The following CNTNAP2 variants were observed in gnomAD, a reference collection of about 807,000 sequenced individuals.
The protein encoded by CNTNAP2 is contactin associated protein 2.
Under a neutral mutation model 155.2 loss-of-function variants are expected in CNTNAP2, and 98 were observed. That is an observed-to-expected ratio of 0.63 (90% CI 0.54 to 0.75). The LOEUF is 0.75. Among genes scored for constraint, CNTNAP2 ranks in the 30% least tolerant of loss-of-function variants. The pLI, the probability that CNTNAP2 is intolerant of heterozygous loss-of-function variation, is 0.00. For missense variants in CNTNAP2, 1,727 were observed against 1,688.1 expected (o/e 1.02, Z -0.40); for synonymous variants, 651 against 631.2 (o/e 1.03, Z -0.47).
intron 9 of CNTNAP2, among the ~76,000 whole-genome samples, chr7:147,319,789 A>G (rs573850349): frequency 6.6e-6 from 1 of 152,342 alleles, no homozygotes; most frequent in Admixed American, 6.5e-5. Flanking sequence ...CTTCAGCTAT[A>G]TAATTATAGA....
At chr7:148,231,649 C>T (rs1182777143) in intron 20 of CNTNAP2, among the ~76,000 whole-genome samples, 1 of 152,116 alleles carries the variant, frequency 6.6e-6, no homozygotes, top group Non-Finnish European at 1.5e-5. Flanking sequence ...GCCATAGTCA[C>T]AGGAGTACTG....
chr7:146,851,648 T>TTGTG lies in CNTNAP2; in HGVS notation c.402+11745_402+11746insGTGT, dbSNP rs1481597976. Reference sequence around the variant, plus strand: ...CCTGTGTTGCTTTATATCATCTTTCTTCTGTGTGTGTGTGTGTGTGTGTGT... The same window carrying TTGTG: ...CCTGTGTTGCTTTATATCATCTTTCTTGTGTCTGTGTGTGTGTGTGTGTGTGTGT... On this transcript the variant is annotated intron_variant, in intron 3 of 23. Transcript: ENST00000361727. 2.3e-4 allele frequency among the ~76,000 whole-genome samples: 31 copies of TTGTG among 134,004 alleles called. No individual in the cohort carries two copies. In the East Asian group the frequency reaches 6.7e-3, roughly 29 times the overall value. The allele number at this position is 134,004 out of a possible 152,430, so 87.9% of individuals were successfully genotyped here. A position where few individuals can be genotyped will look rare whatever the true frequency, so the allele number is the denominator to read the frequency against.
rs201523308 is a variant in CNTNAP2, at chr7:148,235,685, A to T, written c.3381+5906A>T. ...TGCTCCTTACAGCTGTGCAGCAATT[A>T]TTTTTTTTTTTTTTTTTTTGAGACG... On this transcript the variant is annotated intron_variant, in intron 20 of 23. Coordinates refer to ENST00000361727, the MANE Select transcript of CNTNAP2 (RefSeq NM_014141.6). Among the ~76,000 whole-genome samples, 538 of 121,896 alleles carry T rather than the reference A, an allele frequency of 4.4e-3. 3 individuals are homozygous for T. Among genetic ancestry groups the T allele is most frequent in the Middle Eastern group, 4.8e-3 (1 of 210 alleles). The allele number at this position is 121,896 out of a possible 152,430, so 80.0% of individuals were successfully genotyped here. A position where few individuals can be genotyped will look rare whatever the true frequency, so the allele number is the denominator to read the frequency against.
intron 3 of CNTNAP2, among the ~76,000 whole-genome samples, chr7:147,006,588 A>G (rs912965014): frequency 1.3e-5 from 2 of 152,226 alleles, no homozygotes; most frequent in African/African-American, 2.4e-5. Context: ...TATTCAGAAA[A>G]AAAGAAGATT....
chr7:147,180,486 A>C (rs1019181883), intron 8 of CNTNAP2, among the ~76,000 whole-genome samples: 6 of 152,168 alleles, frequency 3.9e-5, no homozygotes, highest in Non-Finnish European at 4.4e-5. Context: ...TAGAATTACC[A>C]ACTTAAAATA....
intron 8 of CNTNAP2, among the ~76,000 whole-genome samples, chr7:147,279,483 A>G (rs1002885826): frequency 4.0e-5 from 6 of 151,836 alleles, no homozygotes; most frequent in African/African-American, 1.4e-4. Context: ...TAATAATCAT[A>G]TAAACTACAT....
At chr7:146,148,533 A>G (rs1332445653) in intron 1 of CNTNAP2, among the ~76,000 whole-genome samples, 1 of 152,160 alleles carries the variant, frequency 6.6e-6, no homozygotes, top group Non-Finnish European at 1.5e-5. Flanking sequence ...TGCTCTAAGT[A>G]ACATTGCTCT....
intron 3 of CNTNAP2, among the ~76,000 whole-genome samples, chr7:147,015,947 C>G (rs1798716063): frequency 6.6e-6 from 1 of 152,060 alleles, no homozygotes; most frequent in Non-Finnish European, 1.5e-5. Flanking sequence ...ACTGTCACTT[C>G]TGTCAAGTAG....
At chr7:146,764,511 G>A (rs1223469107) in intron 1 of CNTNAP2, among the ~76,000 whole-genome samples, 1 of 149,404 alleles carries the variant, frequency 6.7e-6, no homozygotes, top group Non-Finnish European at 1.5e-5. Flanking sequence ...GATCAAGTTC[G>A]AGGAGTCAAA....
chr7:148,319,974 C>T (rs1378003003), intron 21 of CNTNAP2, among the ~76,000 whole-genome samples: 2 of 152,158 alleles, frequency 1.3e-5, no homozygotes, highest in Non-Finnish European at 2.9e-5. Context: ...AGACTGGTCC[C>T]TGGTGCCAAA....
At chr7:146,721,002 C>CTA (rs1164316638) in intron 1 of CNTNAP2, among the ~76,000 whole-genome samples, 3 of 91,752 alleles carry the variant, frequency 3.3e-5, no homozygotes, top group African/African-American at 8.5e-5. Flanking sequence ...TATATATAGT[C>CTA]TATATATATA....
chr7:147,106,507 T>C (rs779733156), intron 4 of CNTNAP2, among the ~76,000 whole-genome samples: 1 of 152,024 alleles, frequency 6.6e-6, no homozygotes, highest in Non-Finnish European at 1.5e-5. Context: ...CAGAATTCTG[T>C]TGATTAAGAA....
chr7:147,296,712 G>A (rs954143631), intron 8 of CNTNAP2, among the ~76,000 whole-genome samples: 1 of 152,138 alleles, frequency 6.6e-6, no homozygotes, highest in African/African-American at 2.4e-5. Context: ...GGTGCATATT[G>A]TTTATTTGAC....
intron 11 of CNTNAP2, among the ~76,000 whole-genome samples, chr7:147,492,540 A>G (rs1304155970): frequency 1.3e-5 from 2 of 152,222 alleles, no homozygotes; most frequent in Non-Finnish European, 2.9e-5. Context: ...TTATATGTGT[A>G]TCCTTGCTAC....
At chr7:148,284,306 G>T (rs557366171) in intron 21 of CNTNAP2, among the ~76,000 whole-genome samples, 1 of 152,204 alleles carries the variant, frequency 6.6e-6, no homozygotes, top group East Asian at 1.9e-4. Context: ...TAGTGAAGAA[G>T]TCTCATGAGA....
At chr7:147,831,217 C>T (rs1798540169) in intron 13 of CNTNAP2, among the ~76,000 whole-genome samples, 1 of 152,138 alleles carries the variant, frequency 6.6e-6, no homozygotes, top group South Asian at 2.1e-4. Flanking sequence ...AAAACAGTAG[C>T]ATTATGAATA....
intron 1 of CNTNAP2, among the ~76,000 whole-genome samples, chr7:146,710,235 GTCAA>G (rs1324504322): frequency 1.4e-4 from 22 of 152,196 alleles, no homozygotes; most frequent in African/African-American, 5.3e-4. Flanking sequence ...AGAACTACCA[GTCAA>G]TCCTGGAATA....
chr7:148,273,396 A>G (rs902606461), intron 21 of CNTNAP2, among the ~76,000 whole-genome samples: 1 of 152,252 alleles, frequency 6.6e-6, no homozygotes, highest in Non-Finnish European at 1.5e-5. Context: ...TTAGAAGAAT[A>G]TCAATGTACA....
chr7:146,233,308 T>C (rs1799416894), intron 1 of CNTNAP2, among the ~76,000 whole-genome samples: 1 of 152,130 alleles, frequency 6.6e-6, no homozygotes, highest in Admixed American at 6.5e-5. Flanking sequence ...TGCGATGAGG[T>C]CAACATGACT....
Sources: gnomAD v4.1 joint callset for allele counts (sites outside exome capture counted in the v4.1 genomes callset) on GRCh38, gnomAD v4.1.1 for gene constraint, MANE v1.5 for transcripts, NCBI Gene and HGNC (gene_info 2026-07-23, HGNC 2026-07-21) for gene names.